NR2F6: variants seen among roughly 807,000 people sequenced by gnomAD.
NR2F6 encodes ERBA-related gene-2.
In NR2F6, 16 loss-of-function variants were observed where a neutral mutation model predicts 26.5. The ratio of observed to expected loss-of-function variants is 0.60; its 90% confidence interval spans 0.41 to 0.92. The LOEUF is 0.92. NR2F6 is among the 40% of genes least tolerant of loss of function. The pLI is 0.00. For synonymous variants in NR2F6, 325 were observed against 305.0 expected (o/e 1.07, Z -0.68); for missense variants, 536 against 631.7 (o/e 0.85, Z 1.62).
chr19:17,240,533 C>T, intron 2 of NR2F6, 138 bp downstream of exon 2: 1 of 887,196 alleles, frequency 1.1e-6, no homozygotes, highest in Non-Finnish European at 1.8e-6. Flanking sequence ...CAGGCGCCGG[C>T]CCCCACCCTG....
chr19:17,241,926 G>A (rs991301055), intron 1 of NR2F6, among the ~76,000 whole-genome samples: 5 of 151,954 alleles, frequency 3.3e-5, no homozygotes, highest in African/African-American at 1.2e-4. Context: ...TGAGGAAGGA[G>A]AATCGCTTGA....
rs2073414631 is a variant in NR2F6, at chr19:17,232,721, A to G, written c.941-95T>C. ...GGGGACACCACTCGCCACTGTGGGT[A>G]AGAACAGGGGGCCGGGCATGATGGC... is the stretch of plus-strand genomic sequence containing the variant. On this transcript the variant is annotated intron_variant, in intron 3 of 3. Transcript: ENST00000291442. The G allele has an allele frequency of 4.2e-6, 6 of 1,412,930 alleles. No homozygotes were observed. The Admixed American group carries it at 1.0e-4, about 24-fold the overall frequency. The allele number at this position is 1,412,930 out of a possible 1,614,324, so 87.5% of individuals were successfully genotyped here. A position where few individuals can be genotyped will look rare whatever the true frequency, so the allele number is the denominator to read the frequency against.
In NR2F6 at chr19:17,236,058, C is replaced by T. The variant is rs904920428; in HGVS notation, c.381G>A (p.Gln127=). The change falls in exon 3 of 4, where the codon CAG becomes CAA. Residue 127 remains glutamine (Q), a synonymous_variant. Coordinates refer to ENST00000291442, the MANE Select transcript of NR2F6 (RefSeq NM_005234.4). ...GCAGCGAGTGCGGGATGCGGCCGCG[C>T]TGCACCGCTGCGGGAGGCGGGGACA... is the stretch of plus-strand genomic sequence containing the variant. ...FRVGMRKEAV[Q]RGRIPHSLPG... is the part of the protein sequence containing the mutation. 1.9e-5 allele frequency: 23 copies of T among 1,226,666 alleles called. No homozygotes were observed. In the African/African-American group the frequency reaches 3.1e-4, roughly 17 times the overall value. 76.0% of individuals were successfully genotyped at this position (1,226,666 alleles called of 1,614,324 possible). A position where few individuals can be genotyped will look rare whatever the true frequency, so the allele number is the denominator to read the frequency against.
chr19:17,237,604 G>A (rs1275278220), intron 2 of NR2F6, among the ~76,000 whole-genome samples: 1 of 152,132 alleles, frequency 6.6e-6, no homozygotes, highest in Non-Finnish European at 1.5e-5. Context: ...TAGAGACGGG[G>A]TTTCACCATG....
At position 17,235,077 on chromosome 19, in the gene NR2F6, G is replaced by T. The variant is rs968543260; in HGVS notation, c.940+422C>A. On this transcript the variant is annotated intron_variant, in intron 3 of 3. Coordinates refer to ENST00000291442, the MANE Select transcript of NR2F6 (RefSeq NM_005234.4). The surrounding 1 kb of genome is among the most constrained non-coding windows in gnomAD (Gnocchi z 5.0). ...AGGTTGCCCTGGGAGCCCAGTGGGG[G>T]CCTGAGGGGGCCAGAACCAGGGGGT... Among the ~76,000 whole-genome samples the T allele has an allele frequency of 2.6e-5, 4 of 152,188 alleles. No individual in the cohort carries two copies. The highest frequency in any genetic ancestry group is 5.9e-5 in the Non-Finnish European group (4 of 68,016).
Position 17,235,551 on chromosome 19 carries a change from C to T in NR2F6, c.888G>A (p.Gln296=), listed in dbSNP as rs1430658500. ...GGCAGCCATACTCGGCCGAGTCGAC[C>T]TGCAGGCGGCCCAGCTTGTCCACCT... ...QEQVDKLGRL[Q]VDSAEYGCLK... is the part of the protein sequence containing the mutation. The change falls in exon 3 of 4, where the codon CAG becomes CAA. Residue 296 remains glutamine, a synonymous_variant. Coordinates refer to ENST00000291442, the MANE Select transcript of NR2F6 (RefSeq NM_005234.4). This position sits in a 1 kb window ranked among gnomAD's most constrained non-coding sequence, Gnocchi z 5.0. 5 of 1,596,092 alleles carry T rather than the reference C, an allele frequency of 3.1e-6. No homozygotes were observed. In the Admixed American group the frequency reaches 6.7e-5, roughly 21 times the overall value.
intron 1 of NR2F6, among the ~76,000 whole-genome samples, chr19:17,242,725 C>T (rs1008815560): frequency 2.6e-5 from 4 of 152,204 alleles, no homozygotes; most frequent in African/African-American, 9.6e-5. Context: ...CCTGGGGCGG[C>T]CCTGCAGGCA....
chr19:17,241,935 G>C (rs755887130), intron 1 of NR2F6, among the ~76,000 whole-genome samples: 1 of 151,652 alleles, frequency 6.6e-6, no homozygotes, highest in Admixed American at 6.6e-5. Context: ...AGAATCGCTT[G>C]AACTGGGGAG....
At chr19:17,237,803 C>T (rs1432166824) in intron 2 of NR2F6, among the ~76,000 whole-genome samples, 10 of 152,290 alleles carry the variant, frequency 6.6e-5, no homozygotes, top group African/African-American at 2.4e-4. Flanking sequence ...AACTCTGTTG[C>T]TCTCTGACAA....
chr19:17,232,362 G>A lies in NR2F6; in HGVS notation c.1205C>T (p.Ser402Leu), dbSNP rs746238290. 8.7e-6 allele frequency: 14 copies of A among 1,613,700 alleles called. No homozygotes were observed. The highest frequency in any genetic ancestry group is 4.0e-5 in the African/African-American group (3 of 74,924). ...SGSTFNWPYG[S>L]GQ ...GTGGCCCCGTCATGGTCACTGGCCC[G>A]AGCCGTAGGGCCAGTTGAAGGTACT... The change falls in exon 4 of 4, where the codon TCG becomes TTG. Residue 402 changes from serine (S) to leucine (L), a missense_variant. Coordinates refer to ENST00000291442, the MANE Select transcript of NR2F6 (RefSeq NM_005234.4).
chr19:17,244,710 G>A (rs1264811859), intron 1 of NR2F6, among the ~76,000 whole-genome samples: 3 of 152,216 alleles, frequency 2.0e-5, no homozygotes, highest in African/African-American at 7.2e-5. Context: ...AGTAACTGGG[G>A]CAAAAGCCTC....
chr19:17,245,743 CCGGCGCCCG>C lies in NR2F6; in HGVS notation c.-532_-524del, dbSNP rs1224497237. The C allele has an allele frequency of 6.9e-6, 1 of 145,564 alleles. No homozygotes were observed. Among genetic ancestry groups the C allele is most frequent in the East Asian group, 2.0e-4 (1 of 5,014 alleles). 9.0% of individuals were successfully genotyped at this position (145,564 alleles called of 1,614,324 possible). On this transcript the variant is annotated 5_prime_UTR_variant, in exon 1 of 4. Coordinates refer to ENST00000291442, the MANE Select transcript of NR2F6 (RefSeq NM_005234.4). The surrounding 1 kb of genome is among the most constrained non-coding windows in gnomAD (Gnocchi z 5.0). ...CTGATCGCCGCGCCCCCTGGGTCCC[CCGGCGCCCG>C]CGGCTGCCGCTCCGGGCCTGCAGGG...
Position 17,245,555 on chromosome 19 carries a change from G to A in NR2F6, c.-335C>T, listed in dbSNP as rs1386956348. The stretch of plus-strand genomic sequence containing the variant: ...GGGCGCGCGGGCCATGGCCCGGCCC[G>A]AGCCGCGCAGGGGGCGTCCTCTGGC... On this transcript the variant is annotated 5_prime_UTR_variant, in exon 1 of 4. Transcript: ENST00000291442. This position sits in a 1 kb window ranked among gnomAD's most constrained non-coding sequence, Gnocchi z 5.0. The A allele has an allele frequency of 7.5e-5, 11 of 146,550 alleles. No homozygotes were observed. The highest frequency in any genetic ancestry group is 2.7e-4 in the African/African-American group (11 of 40,726). The allele number at this position is 146,550 out of a possible 1,614,324, so 9.1% of individuals were successfully genotyped here. A position where few individuals can be genotyped will look rare whatever the true frequency, so the allele number is the denominator to read the frequency against.
intron 1 of NR2F6, among the ~76,000 whole-genome samples, chr19:17,244,054 CCCCGATCGCTTT>C (rs1473903780): frequency 6.6e-6 from 1 of 152,172 alleles, no homozygotes; most frequent in Non-Finnish European, 1.5e-5. Flanking sequence ...GGCTGGACAA[CCCCGATCGCTTT>C]CCCTGGGGAC....
At position 17,235,517 on chromosome 19, in the gene NR2F6, T is replaced by G; in HGVS notation, c.922A>C (p.Ile308Leu). Reference protein sequence around the residue: ...DSAEYGCLKAIALFTPDACGL... With the variant: ...DSAEYGCLKALALFTPDACGL... ...GGCTCACCGGGCGTGAAGAGCGCGA[T>G]GGCCTTGAGGCAGCCATACTCGGCC... The change falls in exon 3 of 4, where the codon ATC becomes CTC. Residue 308 changes from isoleucine to leucine, a missense_variant. Transcript: ENST00000291442. The surrounding 1 kb of genome is among the most constrained non-coding windows in gnomAD (Gnocchi z 5.0). 3 of 1,592,642 alleles carry G rather than the reference T, an allele frequency of 1.9e-6. No homozygotes were observed. Among genetic ancestry groups the G allele is most frequent in the Non-Finnish European group, 2.6e-6 (3 of 1,175,502 alleles).
chr19:17,235,354 G>A lies in NR2F6; in HGVS notation c.940+145C>T. 1 of 1,443,794 alleles carries A rather than the reference G, an allele frequency of 6.9e-7. No individual in the cohort carries two copies. Among genetic ancestry groups the A allele is most frequent in the Non-Finnish European group, 9.1e-7 (1 of 1,101,352 alleles). 89.4% of individuals were successfully genotyped at this position (1,443,794 alleles called of 1,614,324 possible). A position where few individuals can be genotyped will look rare whatever the true frequency, so the allele number is the denominator to read the frequency against. ...ACATCACCCCTCTACAGCCACCCAA[G>A]AGCGTTCACTCACGGCGCGTGCAGG... On this transcript the variant is annotated intron_variant, in intron 3 of 3. Coordinates refer to ENST00000291442, the MANE Select transcript of NR2F6 (RefSeq NM_005234.4). The surrounding 1 kb of genome is among the most constrained non-coding windows in gnomAD (Gnocchi z 5.0).
At position 17,232,026 on chromosome 19, in the gene NR2F6, G is replaced by T; in HGVS notation, c.*326C>A. On this transcript the variant is annotated 3_prime_UTR_variant, in exon 4 of 4. Coordinates refer to ENST00000291442, the MANE Select transcript of NR2F6 (RefSeq NM_005234.4). ...CCCCTCTGGCCGACGCCAGGCCTTTGTCCATCATGCCAGGGAAGCCAACCC... is the reference window on the plus strand; with the variant it reads ...CCCCTCTGGCCGACGCCAGGCCTTTTTCCATCATGCCAGGGAAGCCAACCC... 2.9e-6 allele frequency: 1 copy of T among 347,022 alleles called. No individual in the cohort carries two copies. Among genetic ancestry groups the T allele is most frequent in the South Asian group, 3.3e-5 (1 of 30,566 alleles). 21.5% of individuals were successfully genotyped at this position (347,022 alleles called of 1,614,324 possible).
At chr19:17,240,917 C>T (rs976358355) in intron 1 of NR2F6, 152 bp from the exon 2 acceptor site, 1 of 675,968 alleles carries the variant, frequency 1.5e-6, no homozygotes, top group African/African-American at 1.8e-5. Context: ...AGGAGCTCAG[C>T]TTGCAGGTCT....
At chr19:17,233,591 G>A (rs1287845395) in intron 3 of NR2F6, among the ~76,000 whole-genome samples, 1 of 152,100 alleles carries the variant, frequency 6.6e-6, no homozygotes. Flanking sequence ...TCTGCCTCCG[G>A]GTTCAAGTGA....
Sources: gnomAD v4.1 joint callset for allele counts (sites outside exome capture counted in the v4.1 genomes callset) on GRCh38, gnomAD v4.1.1 for gene constraint, Gnocchi (gnomAD v3.1) non-coding constraint, MANE v1.5 for transcripts, NCBI Gene and HGNC (gene_info 2026-07-23, HGNC 2026-07-21) for gene names.